TTLL4: variants seen among roughly 807,000 people sequenced by gnomAD.
TTLL4 encodes the protein tubulin tyrosine ligase like 4, also known as tubulin monoglutamylase TTLL4.
A neutral mutation model predicts 122.7 loss-of-function variants in TTLL4; 85 were observed. The ratio of observed to expected loss-of-function variants is 0.69; its 90% confidence interval spans 0.58 to 0.83. The LOEUF is 0.83. TTLL4 is among the 40% of genes least tolerant of loss of function. The pLI is 0.00. For synonymous variants in TTLL4, 553 were observed against 563.0 expected (o/e 0.98, Z 0.25); for missense variants, 1,363 against 1,488.6 (o/e 0.92, Z 1.39).
intron 1 of TTLL4, among the ~76,000 whole-genome samples, chr2:218,712,532 G>T (rs185682535): frequency 1.3e-5 from 2 of 152,058 alleles, no homozygotes; most frequent in African/African-American, 4.8e-5. Context: ...GATTAGAGGC[G>T]CATGCTGCCA....
At chr2:218,722,916 T>C (rs1335279336) in intron 1 of TTLL4, among the ~76,000 whole-genome samples, 1 of 152,226 alleles carries the variant, frequency 6.6e-6, no homozygotes, top group Non-Finnish European at 1.5e-5. Flanking sequence ...AAAGCATCAT[T>C]ATGACAGGCA....
chr2:218,745,314 G>C, intron 6 of TTLL4, 81 bp downstream of exon 6: 1 of 1,577,400 alleles, frequency 6.3e-7, no homozygotes, highest in Non-Finnish European at 8.7e-7. Context: ...GTGGCAGTAG[G>C]TAGGAGAGGG....
rs1942891925 is a variant in TTLL4, at chr2:218,747,868, TA to T, written c.2378+144del. The T allele has an allele frequency of 7.7e-7, 1 of 1,295,172 alleles. No homozygotes were observed. Among genetic ancestry groups the T allele is most frequent in the Non-Finnish European group, 1.1e-6 (1 of 940,186 alleles). 80.2% of individuals were successfully genotyped at this position (1,295,172 alleles called of 1,614,324 possible). A position where few individuals can be genotyped will look rare whatever the true frequency, so the allele number is the denominator to read the frequency against. On this transcript the variant is annotated intron_variant, in intron 11 of 19. Coordinates refer to ENST00000392102, the MANE Select transcript of TTLL4 (RefSeq NM_014640.5). This position sits in a 1 kb window ranked among gnomAD's most constrained non-coding sequence, Gnocchi z 4.7. ...GGAAATGGGAAATATGGAGGCTCTC[TA>T]CTTCGTTAAATCTGGGGAGGGTCTT...
In TTLL4 at chr2:218,751,745, A is replaced by G. The variant is rs750301470; in HGVS notation, c.2915A>G (p.Glu972Gly). The change falls in exon 16 of 20, where the codon GAG becomes GGG. Residue 972 changes from glutamate (E) to glycine (G), a missense_variant. Coordinates refer to ENST00000392102, the MANE Select transcript of TTLL4 (RefSeq NM_014640.5). The part of the protein sequence containing the change: ...SPGDKCRMAP[E>G]HVTAQKMKKA... ...GGGGACAAATGTCGAATGGCTCCAG[A>G]GCATGTCACTGCACAGAAGATGAAG... 1 of 1,613,768 alleles carries G rather than the reference A, an allele frequency of 6.2e-7. No homozygotes were observed. Among genetic ancestry groups the G allele is most frequent in the South Asian group, 1.1e-5 (1 of 91,050 alleles).
chr2:218,719,292 C>T (rs911779741), intron 1 of TTLL4, among the ~76,000 whole-genome samples: 2 of 152,028 alleles, frequency 1.3e-5, no homozygotes, highest in Admixed American at 6.6e-5. Context: ...CATCATGAAG[C>T]TTATAGGGCA....
intron 14 of TTLL4, 54 bp from the exon 15 acceptor site, chr2:218,749,955 C>G: frequency 6.3e-7 from 1 of 1,597,786 alleles, no homozygotes; most frequent in Non-Finnish European, 8.5e-7. Context: ...CACATATGAC[C>G]AGAGACTGTT....
Position 218,738,375 on chromosome 2 carries a change from G to GA in TTLL4, c.699_700insA (p.Gln234ThrfsTer34), listed in dbSNP as rs1559366786. On this transcript the variant is annotated frameshift_variant, in exon 3 of 20. Transcript: ENST00000392102. LOFTEE classifies it high-confidence loss of function. ...CAAATAGCACGCCAGTGCCTTTATT[G>GA]CAGACCACACAGGGCCTGAAGCCAG... 6.2e-7 allele frequency: 1 copy of GA among 1,614,090 alleles called. No homozygotes were observed. Among genetic ancestry groups the GA allele is most frequent in the Non-Finnish European group, 8.5e-7 (1 of 1,180,024 alleles).
chr2:218,740,689 G>A (rs1337951819), intron 5 of TTLL4, 105 bp downstream of exon 5: 4 of 1,351,240 alleles, frequency 3.0e-6, no homozygotes, highest in Admixed American at 3.8e-5. Flanking sequence ...GAACTCTAAT[G>A]CATTTTTACC....
Position 218,751,574 on chromosome 2 carries a change from A to G in TTLL4, c.2874-130A>G, listed in dbSNP as rs1424445457. ...GCATTTTAGTCCAACCTACTACTCAAGTAACCTCTGTTCATACATCTTTGT... is the reference window on the plus strand; with the variant it reads ...GCATTTTAGTCCAACCTACTACTCAGGTAACCTCTGTTCATACATCTTTGT... On this transcript the variant is annotated intron_variant, in intron 15 of 19. Coordinates refer to ENST00000392102, the MANE Select transcript of TTLL4 (RefSeq NM_014640.5). 30 of 1,363,854 alleles carry G rather than the reference A, an allele frequency of 2.2e-5. No homozygotes were observed. In the Admixed American group the frequency reaches 8.4e-4, roughly 38 times the overall value. 84.5% of individuals were successfully genotyped at this position (1,363,854 alleles called of 1,614,324 possible). A position where few individuals can be genotyped will look rare whatever the true frequency, so the allele number is the denominator to read the frequency against.
chr2:218,734,140 T>TA (rs746325632), intron 2 of TTLL4, among the ~76,000 whole-genome samples: 3 of 152,218 alleles, frequency 2.0e-5, no homozygotes, highest in Non-Finnish European at 2.9e-5. Context: ...CACTGCTACT[T>TA]ATTGGTTATT....
chr2:218,714,232 G>A (rs1941793836), intron 1 of TTLL4, among the ~76,000 whole-genome samples: 1 of 152,184 alleles, frequency 6.6e-6, no homozygotes, highest in South Asian at 2.1e-4. Flanking sequence ...AGAGCAAAGA[G>A]GAAGGAAGAA....
In TTLL4 at chr2:218,729,516, C is replaced by T. The variant is rs191545581; in HGVS notation, c.-99+2169C>T. ...TGAAGCCAGCTTGCTTCTACACTGC[C>T]ATTTTGGAACCAGAAGTCCCTATTC... On this transcript the variant is annotated intron_variant, in intron 2 of 19. Transcript: ENST00000392102. 4.1e-4 allele frequency among the ~76,000 whole-genome samples: 62 copies of T among 152,044 alleles called. 1 individual carries two copies. Among genetic ancestry groups the T allele is most frequent in the African/African-American group, 1.4e-3 (60 of 41,460 alleles).
At chr2:218,714,809 A>C (rs867137929) in intron 1 of TTLL4, among the ~76,000 whole-genome samples, 2 of 152,000 alleles carry the variant, frequency 1.3e-5, no homozygotes, top group African/African-American at 4.8e-5. Context: ...GGGTCTCACT[A>C]TATTGCCCAG....
rs992271765 is a variant in TTLL4 at position 218,738,847 on chromosome 2, G to A, written c.1171G>A (p.Glu391Lys). ...PPAVNQQFPQ[E>K]DAGSVRRVLP... The stretch of plus-strand genomic sequence containing the variant: ...TGCGGTAAATCAGCAGTTTCCTCAG[G>A]AGGATGCTGGATCGGTCAGGCGGGT... The change falls in exon 3 of 20, where the codon GAG becomes AAG. Residue 391 changes from glutamate to lysine, a missense_variant. Glu to Lys is a moderately conservative substitution (Grantham distance 56). This residue lies in a region of TTLL4 where 760 missense variants were observed against 808.4 expected (regional missense o/e 0.94). Coordinates refer to ENST00000392102, the MANE Select transcript of TTLL4 (RefSeq NM_014640.5). 47 of 1,614,092 alleles carry A rather than the reference G, an allele frequency of 2.9e-5. No homozygotes were observed. The highest frequency in any genetic ancestry group is 3.5e-5 in the Non-Finnish European group (41 of 1,180,048).
intron 5 of TTLL4, 24 bp from the exon 6 acceptor site, chr2:218,745,085 C>G (rs761481134): frequency 6.2e-7 from 1 of 1,613,106 alleles, no homozygotes; most frequent in South Asian, 1.1e-5. Context: ...CCTTTCTCTA[C>G]TCCATGTTTG....
intron 1 of TTLL4, among the ~76,000 whole-genome samples, chr2:218,727,068 C>T (rs1454765089): frequency 6.6e-6 from 1 of 152,168 alleles, no homozygotes; most frequent in Admixed American, 6.5e-5. Context: ...CTCGGCCTCC[C>T]AAAGTGCTGG....
At position 218,710,849 on chromosome 2, in the gene TTLL4, T is replaced by C. The variant is rs73080911; in HGVS notation, c.-366T>C. On this transcript the variant is annotated 5_prime_UTR_variant, in exon 1 of 20. Transcript: ENST00000392102. ...TGCCTCCCGCCCTCTTCTTCCAGAC[T>C]CTCGGTCTGTCCGCTGGGGGCGCGC... 9,227 of 151,126 alleles carry C rather than the reference T, an allele frequency of 0.061. 931 individuals carry two copies. The highest frequency in any genetic ancestry group is 0.21 in the African/African-American group (8,720 of 41,076). The allele number at this position is 151,126 out of a possible 1,614,324, so 9.4% of individuals were successfully genotyped here. A position where few individuals can be genotyped will look rare whatever the true frequency, so the allele number is the denominator to read the frequency against.
intron 12 of TTLL4, 97 bp downstream of exon 12, chr2:218,748,324 A>C: frequency 6.6e-7 from 1 of 1,517,432 alleles, no homozygotes; most frequent in Non-Finnish European, 8.9e-7. Flanking sequence ...TGGAGGATTA[A>C]TATAAGACCC....
chr2:218,720,008 G>T (rs1941985998), intron 1 of TTLL4, among the ~76,000 whole-genome samples: 1 of 152,182 alleles, frequency 6.6e-6, no homozygotes, highest in African/African-American at 2.4e-5. Context: ...TCCCTTTGGG[G>T]AAATAAAGTA....
Sources: allele counts gnomAD v4.1 joint callset (sites outside exome capture counted in the v4.1 genomes callset), GRCh38; gene constraint gnomAD v4.1.1; regional missense constraint gnomAD v4.1.1; non-coding constraint Gnocchi (gnomAD v3.1); transcripts MANE v1.5; gene names NCBI Gene and HGNC (gene_info 2026-07-23, HGNC 2026-07-21).